The following FOXN3 variants were observed in gnomAD, a reference collection of about 807,000 sequenced individuals.
FOXN3 encodes forkhead box N3.
Under a neutral mutation model 38.4 loss-of-function variants are expected in FOXN3, and 7 were observed. The ratio of observed to expected loss-of-function variants is 0.18; its 90% confidence interval spans 0.10 to 0.34. The LOEUF is 0.34. FOXN3 is among the 10% of genes least tolerant of loss of function. The pLI is 1.00. For missense variants in FOXN3, 456 were observed against 613.4 expected, an observed-to-expected ratio of 0.74 and a Z score of 2.71; for synonymous variants, 230 against 242.2, an observed-to-expected ratio of 0.95 and a Z score of 0.47.
intron 5 of FOXN3, among the ~76,000 whole-genome samples, chr14:89,177,646 AAGAT>A (rs1156798023): frequency 6.6e-6 from 1 of 151,950 alleles, no homozygotes; most frequent in South Asian, 2.1e-4. Context: ...GTGGTGGAGA[AAGAT>A]AGAACTGGCT....
rs34026101 is a variant in FOXN3 at position 89,415,604 on chromosome 14, C to CAAAAAAAAAA, written c.-15+1257_-15+1266dup. On this transcript the variant is annotated intron_variant, in intron 1 of 5. Transcript: ENST00000557258. ...AAAAACAAAACAAAACAACAATAAC[C>CAAAAAAAAAA]AAAAAAAAAAAAAAAAAAAAAAAAA... 9.9e-4 allele frequency among the ~76,000 whole-genome samples: 54 copies of CAAAAAAAAAA among 54,272 alleles called. 1 individual carries two copies. Among genetic ancestry groups the CAAAAAAAAAA allele is most frequent in the African/African-American group, 2.2e-3 (39 of 17,882 alleles). 35.6% of individuals were successfully genotyped at this position (54,272 alleles called of 152,430 possible). A position where few individuals can be genotyped will look rare whatever the true frequency, so the allele number is the denominator to read the frequency against.
In FOXN3 at chr14:89,604,206, AACACACACACACACACACAC is replaced by A. The variant is rs58288291; in HGVS notation, c.-15+14802_-15+14821del. Reference sequence around the variant, plus strand: ...AGTTTCCAAAAACAAAGCAAAACAAAACACACACACACACACACACACACACACACACACGTGCGCGCACA... The same window carrying A: ...AGTTTCCAAAAACAAAGCAAAACAAAACACACACACACACGTGCGCGCACA... On this transcript the variant is annotated intron_variant, in intron 1 of 6. Transcript: ENST00000345097. 4.8e-5 allele frequency among the ~76,000 whole-genome samples: 7 copies of A among 146,792 alleles called. No individual in the cohort carries two copies. In the East Asian group the frequency reaches 1.0e-3, roughly 21 times the overall value.
intron 1 of FOXN3, among the ~76,000 whole-genome samples, chr14:89,450,618 C>A (rs550841264): frequency 6.7e-4 from 101 of 151,752 alleles, no homozygotes; most frequent in Non-Finnish European, 1.2e-3. Context: ...CAGAGTCTCG[C>A]CCTGTCGCCC....
intron 1 of FOXN3, among the ~76,000 whole-genome samples, chr14:89,613,116 CAAAAAAAAAAA>C (rs10581958): frequency 1.6e-3 from 120 of 74,600 alleles, no homozygotes; most frequent in African/African-American, 6.9e-3. Flanking sequence ...GACTCTGTCT[CAAAAAAAAAAA>C]AAAAAAAAAA....
chr14:89,473,499 G>T (rs770071685), intron 1 of FOXN3, among the ~76,000 whole-genome samples: 1 of 150,540 alleles, frequency 6.6e-6, no homozygotes, highest in African/African-American at 2.4e-5. Flanking sequence ...CCTCAGCCTC[G>T]CAAGTAGCTG....
intron 2 of FOXN3, among the ~76,000 whole-genome samples, chr14:89,382,347 G>A (rs1416769365): frequency 2.0e-5 from 3 of 151,980 alleles, no homozygotes; most frequent in African/African-American, 4.8e-5. Context: ...ATGCCTCTCC[G>A]TGCTCCAAGC....
chr14:89,186,549 G>A (rs1002850362), intron 4 of FOXN3, among the ~76,000 whole-genome samples: 1 of 152,128 alleles, frequency 6.6e-6, no homozygotes, highest in South Asian at 2.1e-4. Context: ...GGGTGGAGAG[G>A]GTGGGGTAGG....
intron 1 of FOXN3, among the ~76,000 whole-genome samples, chr14:89,554,516 C>T (rs1411782991): frequency 1.3e-5 from 2 of 152,090 alleles, no homozygotes; most frequent in South Asian, 2.1e-4. Flanking sequence ...TTTGGTTTTC[C>T]ATTTACTTTT....
intron 2 of FOXN3, among the ~76,000 whole-genome samples, chr14:89,366,733 C>T (rs568251481): frequency 6.6e-6 from 1 of 152,176 alleles, no homozygotes; most frequent in Non-Finnish European, 1.5e-5. Context: ...CTTCCAGTAC[C>T]TCCACTTTCT....
At chr14:89,291,516 T>C in intron 3 of FOXN3, 3 of 588,704 alleles carry the variant, frequency 5.1e-6, no homozygotes, top group South Asian at 2.8e-5. Context: ...CCAGGGGGCC[T>C]GTGGGACTCT....
At chr14:89,234,151 C>G (rs10140391) in intron 4 of FOXN3, among the ~76,000 whole-genome samples, 1 of 152,180 alleles carries the variant, frequency 6.6e-6, no homozygotes, top group Non-Finnish European at 1.5e-5. Context: ...GAGAACCCAA[C>G]GAAATTCCTC....
At chr14:89,603,441 A>C (rs1896200140) in intron 1 of FOXN3, among the ~76,000 whole-genome samples, 1 of 152,230 alleles carries the variant, frequency 6.6e-6, no homozygotes, top group African/African-American at 2.4e-5. Context: ...AATACCCCTG[A>C]ATACCTGCAG....
At chr14:89,568,021 C>G (rs1470000273) in intron 1 of FOXN3, among the ~76,000 whole-genome samples, 2 of 152,074 alleles carry the variant, frequency 1.3e-5, no homozygotes, top group Non-Finnish European at 2.9e-5. Context: ...CGCGCCCGGC[C>G]AAATCTCGTT....
At chr14:89,468,682 A>G (rs1893033634) in intron 1 of FOXN3, among the ~76,000 whole-genome samples, 1 of 151,884 alleles carries the variant, frequency 6.6e-6, no homozygotes, top group African/African-American at 2.4e-5. Context: ...ATATCTTCGT[A>G]CCCCCTCCCT....
At chr14:89,386,507 A>G (rs1890793868) in intron 2 of FOXN3, among the ~76,000 whole-genome samples, 1 of 152,252 alleles carries the variant, frequency 6.6e-6, no homozygotes, top group Admixed American at 6.5e-5. Context: ...CAAGTAACTT[A>G]ACCAACTTCT....
intron 1 of FOXN3, among the ~76,000 whole-genome samples, chr14:89,431,871 C>T (rs1019140331): frequency 4.6e-5 from 7 of 152,152 alleles, no homozygotes; most frequent in Non-Finnish European, 8.8e-5. Flanking sequence ...CCCGCCACCA[C>T]GTCCAGCTAA....
At chr14:89,335,507 G>T (rs1453432980) in intron 3 of FOXN3, among the ~76,000 whole-genome samples, 2 of 152,188 alleles carry the variant, frequency 1.3e-5, no homozygotes, top group Non-Finnish European at 2.9e-5. Flanking sequence ...GCTATTTACA[G>T]ACACTATTTT....
intron 1 of FOXN3, among the ~76,000 whole-genome samples, chr14:89,448,823 T>C (rs1289009041): frequency 6.6e-6 from 1 of 151,708 alleles, no homozygotes; most frequent in African/African-American, 2.4e-5. Flanking sequence ...GCGCCTGTAG[T>C]CCCAGCTACT....
intron 1 of FOXN3, among the ~76,000 whole-genome samples, chr14:89,498,970 T>C (rs949901600): frequency 6.6e-6 from 1 of 152,210 alleles, no homozygotes; most frequent in Non-Finnish European, 1.5e-5. Context: ...TTTAGCCTGT[T>C]ACAGATATTT....
Sources: allele counts gnomAD v4.1 joint callset (sites outside exome capture counted in the v4.1 genomes callset), GRCh38; gene constraint gnomAD v4.1.1; transcripts MANE v1.5; gene names NCBI Gene and HGNC (gene_info 2026-07-23, HGNC 2026-07-21).